Variants in DBNDD1 observed in about 807,000 individuals in gnomAD.
The protein encoded by DBNDD1 is dysbindin domain-containing protein 1.
In DBNDD1, 14 loss-of-function variants were observed where a neutral mutation model predicts 17.0. The observed-to-expected ratio is 0.82, with a 90% CI of 0.54 to 1.29. The LOEUF (loss-of-function observed/expected upper bound fraction) is 1.29. DBNDD1 is among the 50% of genes most tolerant of loss of function. The probability of loss-of-function intolerance (pLI) is 0.00; values close to 1 mark genes in which losing one functional copy is unlikely to be tolerated. For missense variants in DBNDD1, 221 were observed against 216.2 expected, an observed-to-expected ratio of 1.02 and a Z score of -0.14; for synonymous variants, 105 against 102.0, an observed-to-expected ratio of 1.03 and a Z score of -0.18.
intron 2 of DBNDD1, 161 bp downstream of exon 2, chr16:90,009,123 C>T (rs2035500446): frequency 8.1e-7 from 1 of 1,241,220 alleles, no homozygotes; most frequent in African/African-American, 1.5e-5. Flanking sequence ...ACAGATGGTG[C>T]AGCTGAGGCT....
At position 90,009,844 on chromosome 16, in the gene DBNDD1, TCC is replaced by T. The variant is rs375567110; in HGVS notation, c.32-416_32-415del. The stretch of plus-strand genomic sequence containing the variant: ...TGGATTTCCATGTCCAGCCTCTTGG[TCC>T]CCTTCAAACCAGAACAGCCCCTCTC... On this transcript the variant is annotated intron_variant, in intron 1 of 3. Coordinates refer to ENST00000002501, the MANE Select transcript of DBNDD1 (RefSeq NM_001042610.3). The T allele has an allele frequency of 2.9e-5, 29 of 1,017,050 alleles. No homozygotes were observed. The South Asian group carries it at 4.4e-4, about 16-fold the overall frequency. 63.0% of individuals were successfully genotyped at this position (1,017,050 alleles called of 1,614,324 possible). A position where few individuals can be genotyped will look rare whatever the true frequency, so the allele number is the denominator to read the frequency against.
chr16:90,019,581 C>A (rs1038187277), upstream of DBNDD1: 18 of 234,862 alleles, frequency 7.7e-5, no homozygotes, highest in African/African-American at 3.7e-4. This position sits in a 1 kb window ranked among gnomAD's most constrained non-coding sequence, Gnocchi z 6.1. Context: ...CGCCCCGGCC[C>A]GCGCGCGCCC....
At position 90,006,520 on chromosome 16, in the gene DBNDD1, G is replaced by T. The variant is rs376084142; in HGVS notation, c.320-28C>A. 7 of 1,590,552 alleles carry T rather than the reference G, an allele frequency of 4.4e-6. No individual in the cohort carries two copies. The African/African-American group carries it at 9.3e-5, about 21-fold the overall frequency. On this transcript the variant is annotated intron_variant, in intron 3 of 3. Transcript: ENST00000002501. ...AGGGGCATGCGGGAAGGGGAACTCG[G>T]TGTGGCTGAGAGGCCTGGGTGGATG...
rs2035411004 is a variant in DBNDD1 at position 90,005,794 on chromosome 16, G to T, written c.*541C>A. The T allele has an allele frequency of 1.3e-5, 2 of 153,544 alleles. No homozygotes were observed. Among genetic ancestry groups the T allele is most frequent in the African/African-American group, 4.8e-5 (2 of 41,468 alleles). 9.5% of individuals were successfully genotyped at this position (153,544 alleles called of 1,614,324 possible). ...GGATGGAAATCAAGGTGGGAATTTT[G>T]GGGCCGCTTCTCCATGTGTGCTTTG... On this transcript the variant is annotated 3_prime_UTR_variant, in exon 4 of 4. Transcript: ENST00000002501.
chr16:90,013,262 T>TAAAAAAAAAAATAAA (rs2035586745), intron 1 of DBNDD1, among the ~76,000 whole-genome samples: 1 of 49,182 alleles, frequency 2.0e-5, no homozygotes, highest in Non-Finnish European at 4.4e-5. Context: ...AACCTTGCCT[T>TAAAAAAAAAAATAAA]AAAAAAAAAA....
intron 1 of DBNDD1, among the ~76,000 whole-genome samples, chr16:90,013,279 A>AAAAAAAAAAAAAAAAAAAAAAAAAAAC (rs2035588183): frequency 6.7e-6 from 1 of 149,540 alleles, no homozygotes; most frequent in Non-Finnish European, 1.5e-5. Context: ...AAAAAAAAAA[A>AAAAAAAAAAAAAAAAAAAAAAAAAAAC]AAAAGACAGT....
intron 3 of DBNDD1, chr16:90,006,757 C>G (rs921994012): frequency 1.7e-5 from 8 of 466,040 alleles, no homozygotes; most frequent in Non-Finnish European, 2.7e-5. Context: ...TAGGCTGAGC[C>G]TCTCCTGTTT....
At chr16:90,015,990 T>C (rs2035635738) in intron 1 of DBNDD1, among the ~76,000 whole-genome samples, 1 of 152,224 alleles carries the variant, frequency 6.6e-6, no homozygotes, top group African/African-American at 2.4e-5. Context: ...GGGTGAACTT[T>C]ATATGTGAAT....
chr16:90,009,562 A>C lies in DBNDD1; in HGVS notation c.32-132T>G. 4 of 1,390,428 alleles carry C rather than the reference A, an allele frequency of 2.9e-6. No individual in the cohort carries two copies. In the South Asian group the frequency reaches 5.2e-5, roughly 18 times the overall value. The allele number at this position is 1,390,428 out of a possible 1,614,324, so 86.1% of individuals were successfully genotyped here. ...TGGGCAGTGACCAGCAGGTGATGGGATGGCTGGGCTTGTGGCCTCATGCCT... is the reference window on the plus strand; with the variant it reads ...TGGGCAGTGACCAGCAGGTGATGGGCTGGCTGGGCTTGTGGCCTCATGCCT... On this transcript the variant is annotated intron_variant, in intron 1 of 3. Coordinates refer to ENST00000002501, the MANE Select transcript of DBNDD1 (RefSeq NM_001042610.3).
chr16:90,010,257 G>A, intron 1 of DBNDD1: 1 of 479,936 alleles, frequency 2.1e-6, no homozygotes, highest in East Asian at 4.1e-5. Context: ...TGTTGGCCAG[G>A]CTGAACTCCT....
intron 1 of DBNDD1, among the ~76,000 whole-genome samples, chr16:90,013,108 G>A (rs1045944181): frequency 1.3e-4 from 19 of 151,658 alleles, no homozygotes; most frequent in African/African-American, 4.1e-4. Context: ...AGGTGGTTCT[G>A]TGTTAATAAT....
chr16:90,019,810 G>A (rs1246098842), upstream of DBNDD1: 2 of 688,384 alleles, frequency 2.9e-6, no homozygotes, highest in Non-Finnish European at 5.3e-6. The surrounding 1 kb of genome is among the most constrained non-coding windows in gnomAD (Gnocchi z 6.1). Context: ...GGCGCCCCTC[G>A]GGGCTGGCGA....
At chr16:90,008,193 ATGTCCCAAGGGGC>A in intron 3 of DBNDD1, among the ~76,000 whole-genome samples, 1 of 13,176 alleles carries the variant, frequency 7.6e-5, no homozygotes, top group African/African-American at 2.2e-4. Flanking sequence ...ACCTCCCAGG[ATGTCCCAAGGGGC>A]CTCACCCCCC....
At chr16:90,010,724 T>TA (rs2035539173) in intron 1 of DBNDD1, among the ~76,000 whole-genome samples, 1 of 152,128 alleles carries the variant, frequency 6.6e-6, no homozygotes, top group Non-Finnish European at 1.5e-5. Context: ...TGGCGAGTCT[T>TA]ATGTCCATCC....
chr16:90,009,293 C>T lies in DBNDD1; in HGVS notation c.169G>A (p.Glu57Lys), dbSNP rs1442958849. 5.0e-6 allele frequency: 8 copies of T among 1,613,260 alleles called. No homozygotes were observed. Among genetic ancestry groups the T allele is most frequent in the African/African-American group, 1.3e-5 (1 of 74,928 alleles). ...VPAPGLLQVTERRQPLSSVSS... is the reference protein window; with the variant it reads ...VPAPGLLQVTKRRQPLSSVSS... ...AGGGAGCAGTACTTACGCCTCCTCTCCGTGACCTGCAGGAGCCCCGGTGCT... is the reference window on the plus strand; with the variant it reads ...AGGGAGCAGTACTTACGCCTCCTCTTCGTGACCTGCAGGAGCCCCGGTGCT... Residue 57 changes from glutamate to lysine, a missense_variant, in exon 2 of 4, where the codon GAG (glutamate) becomes AAG (lysine). Physicochemically the swap from Glu to Lys is moderately conservative, Grantham distance 56. Coordinates refer to ENST00000002501, the MANE Select transcript of DBNDD1 (RefSeq NM_001042610.3).
At position 90,006,141 on chromosome 16, in the gene DBNDD1, G is replaced by A. The variant is rs917887650; in HGVS notation, c.*194C>T. The A allele has an allele frequency of 1.6e-5, 13 of 806,548 alleles. No individual in the cohort carries two copies. The Admixed American group carries it at 2.1e-4, about 13-fold the overall frequency. The allele number at this position is 806,548 out of a possible 1,614,324, so 50.0% of individuals were successfully genotyped here. A position where few individuals can be genotyped will look rare whatever the true frequency, so the allele number is the denominator to read the frequency against. Reference sequence around the variant, plus strand: ...CCCAGGAAAGCCGGCTGGTCTCCAAGTGAGGCGAAGACCCGTGCCCAGCAG... The same window carrying A: ...CCCAGGAAAGCCGGCTGGTCTCCAAATGAGGCGAAGACCCGTGCCCAGCAG... On this transcript the variant is annotated 3_prime_UTR_variant, in exon 4 of 4. Coordinates refer to ENST00000002501, the MANE Select transcript of DBNDD1 (RefSeq NM_001042610.3).
In DBNDD1 at chr16:90,006,483, G is replaced by C. The variant is rs777014752; in HGVS notation, c.329C>G (p.Pro110Arg). Reference protein sequence around the residue: ...LNTESPAGLHPLPRAGYLRSP... With the variant: ...LNTESPAGLHRLPRAGYLRSP... The stretch of plus-strand genomic sequence containing the variant: ...GCGCAGGTAGCCGGCCCGGGGCAGC[G>C]GGTGCAGACCTAGGGGCATGCGGGA... Residue 110 changes from proline to arginine, a missense_variant, in exon 4 of 4, where the codon CCG becomes CGG. Pro to Arg is a moderately radical substitution (Grantham distance 103). Transcript: ENST00000002501. 6.3e-7 allele frequency: 1 copy of C among 1,598,378 alleles called. No homozygotes were observed. The highest frequency in any genetic ancestry group is 2.2e-5 in the East Asian group (1 of 44,864).
rs1416986584 is a variant in DBNDD1 at position 90,019,336 on chromosome 16, C to T, written c.6G>A (p.Glu2=). Residue 2 remains glutamate (E), a synonymous_variant, in exon 1 of 4, where the codon GAG becomes GAA. Coordinates refer to ENST00000002501, the MANE Select transcript of DBNDD1 (RefSeq NM_001042610.3). This position sits in a 1 kb window ranked among gnomAD's most constrained non-coding sequence, Gnocchi z 6.1. ...CTCCGGTGCCGGCGCCCTCCGGGGG[C>T]TCCATGCGGCCGGTGCGGTCTGGGA... is the stretch of plus-strand genomic sequence containing the variant. M[E]PPEGAGTGEI... The T allele has an allele frequency of 4.9e-6, 6 of 1,218,828 alleles. No individual in the cohort carries two copies. Among genetic ancestry groups the T allele is most frequent in the Non-Finnish European group, 5.1e-6 (5 of 979,496 alleles). 75.5% of individuals were successfully genotyped at this position (1,218,828 alleles called of 1,614,324 possible). A position where few individuals can be genotyped will look rare whatever the true frequency, so the allele number is the denominator to read the frequency against.
intron 1 of DBNDD1, among the ~76,000 whole-genome samples, chr16:90,014,991 C>T (rs1416991465): frequency 1.4e-5 from 2 of 144,664 alleles, no homozygotes; most frequent in Non-Finnish European, 3.0e-5. Flanking sequence ...GGCGACAGAA[C>T]GAGACTCTTG....
Sources: gnomAD v4.1 joint callset for allele counts (sites outside exome capture counted in the v4.1 genomes callset) on GRCh38, gnomAD v4.1.1 for gene constraint, Gnocchi (gnomAD v3.1) non-coding constraint, MANE v1.5 for transcripts, NCBI Gene and HGNC (gene_info 2026-07-23, HGNC 2026-07-21) for gene names.